Variants in STRN observed in about 807,000 individuals in gnomAD.
The protein encoded by STRN is protein phosphatase 2 regulatory subunit B'''alpha.
Under a neutral mutation model 96.3 loss-of-function variants are expected in STRN, and 53 were observed. The observed-to-expected ratio is 0.55, with a 90% CI of 0.44 to 0.69. STRN has a LOEUF of 0.69. Ranked by LOEUF, STRN falls within the 30% of genes least tolerant of loss-of-function variation. STRN has a pLI of 0.00. For synonymous variants in STRN, 428 were observed against 355.9 expected (o/e 1.20, Z -2.28); for missense variants, 987 against 963.9 (o/e 1.02, Z -0.32).
At chr2:36,947,027 C>G (rs192083109) in intron 1 of STRN, among the ~76,000 whole-genome samples, 2 of 152,136 alleles carry the variant, frequency 1.3e-5, no homozygotes, top group African/African-American at 4.8e-5. Context: ...TCCTGAGTAG[C>G]AGGGACTACA....
intron 1 of STRN, among the ~76,000 whole-genome samples, chr2:36,937,153 G>C (rs531402067): frequency 6.6e-6 from 1 of 152,042 alleles, no homozygotes; most frequent in African/African-American, 2.4e-5. Flanking sequence ...AGATAAGCCT[G>C]ACCAACATGG....
At chr2:36,873,898 A>C (rs1439772514) in intron 10 of STRN, among the ~76,000 whole-genome samples, 1 of 149,412 alleles carries the variant, frequency 6.7e-6, no homozygotes, top group Non-Finnish European at 1.5e-5. Context: ...AGCCGAGATT[A>C]CGCCACTGCA....
At chr2:36,884,641 A>G (rs974417978) in intron 8 of STRN, among the ~76,000 whole-genome samples, 3 of 152,164 alleles carry the variant, frequency 2.0e-5, no homozygotes, top group Non-Finnish European at 4.4e-5. Flanking sequence ...GGAAAATCTT[A>G]CCCAAAGTCT....
At chr2:36,874,651 C>T (rs1377626007) in intron 10 of STRN, among the ~76,000 whole-genome samples, 3 of 142,142 alleles carry the variant, frequency 2.1e-5, no homozygotes, top group African/African-American at 5.2e-5. Context: ...TGACCAACAA[C>T]AGAAATGATA....
At chr2:36,960,868 TA>T (rs1665011881) in intron 1 of STRN, among the ~76,000 whole-genome samples, 1 of 152,116 alleles carries the variant, frequency 6.6e-6, no homozygotes, top group South Asian at 2.1e-4. Context: ...TCATTCTCTC[TA>T]TATCCATGTA....
intron 9 of STRN, 64 bp downstream of exon 9, chr2:36,883,868 A>G: frequency 7.7e-7 from 1 of 1,299,044 alleles, no homozygotes; most frequent in Non-Finnish European, 9.9e-7. Context: ...GGCCTTTCTA[A>G]TGAATGAATT....
chr2:36,844,163 G>C lies in STRN; in HGVS notation c.*5293C>G, dbSNP rs1382087438. On this transcript the variant is annotated 3_prime_UTR_variant, in exon 18 of 18. Coordinates refer to ENST00000263918, the MANE Select transcript of STRN (RefSeq NM_003162.4). The stretch of plus-strand genomic sequence containing the variant: ...CTCCTAAAAAAGGTATTAGATCATA[G>C]AGTTGGGATTAGGGTAGGGGATACC... 6.6e-6 allele frequency: 1 copy of C among 152,120 alleles called. No homozygotes were observed. Among genetic ancestry groups the C allele is most frequent in the Non-Finnish European group, 1.5e-5 (1 of 68,014 alleles). 9.4% of individuals were successfully genotyped at this position (152,120 alleles called of 1,614,324 possible).
At chr2:36,894,907 T>C (rs1357301302) in intron 6 of STRN, among the ~76,000 whole-genome samples, 1 of 152,050 alleles carries the variant, frequency 6.6e-6, no homozygotes, top group Non-Finnish European at 1.5e-5. Context: ...GCATTCTTCT[T>C]CAAAAACAAG....
rs989193193 is a variant in STRN, at chr2:36,849,479, C to T, written c.2320G>A (p.Ala774Thr). Residue 774 changes from alanine to threonine, a missense_variant, in exon 18 of 18, where the codon GCA becomes ACA. By Grantham distance (58) the Ala-to-Thr change is moderately conservative. Transcript: ENST00000263918. ...CGTCATACAAAGACTTTAGCCAGTG[C>T]GTCAGCTCCAGCACTGGCTATATAG... Reference protein sequence around the residue: ...KCYIASAGADALAKVFV With the variant: ...KCYIASAGADTLAKVFV 7.4e-6 allele frequency: 12 copies of T among 1,613,940 alleles called. No homozygotes were observed. In the Admixed American group the frequency reaches 1.0e-4, roughly 13 times the overall value.
At chr2:36,940,836 CAAAAAA>C (rs56996485) in intron 1 of STRN, among the ~76,000 whole-genome samples, 8 of 46,556 alleles carry the variant, frequency 1.7e-4, no homozygotes, top group Admixed American at 8.5e-4. Context: ...GACTCTGTCT[CAAAAAA>C]AAAAAAAAAA....
intron 3 of STRN, among the ~76,000 whole-genome samples, chr2:36,907,366 G>T (rs755104927): frequency 6.6e-6 from 1 of 152,102 alleles, no homozygotes; most frequent in African/African-American, 2.4e-5. Flanking sequence ...TGGCTAACGC[G>T]GTGAAATCCT....
intron 2 of STRN, among the ~76,000 whole-genome samples, chr2:36,921,553 C>A (rs1670255971): frequency 6.6e-6 from 1 of 152,178 alleles, no homozygotes; most frequent in Non-Finnish European, 1.5e-5. Flanking sequence ...TCATTTGATA[C>A]CTTCTAAAAG....
intron 3 of STRN, among the ~76,000 whole-genome samples, chr2:36,915,232 A>AATATATATATATATATATATATAT (rs72466696): frequency 4.6e-5 from 4 of 86,498 alleles, no homozygotes; most frequent in East Asian, 4.3e-4. Context: ...TGAATACATA[A>AATATATATATATATATATATATAT]ATATATATAT....
intron 1 of STRN, among the ~76,000 whole-genome samples, chr2:36,964,011 G>T (rs916511328): frequency 4.0e-5 from 6 of 151,766 alleles, no homozygotes; most frequent in African/African-American, 1.5e-4. Context: ...AAAAAAAAAG[G>T]AGTCTCTTTA....
intron 1 of STRN, among the ~76,000 whole-genome samples, chr2:36,934,762 C>A (rs990523380): frequency 1.3e-5 from 2 of 152,158 alleles, no homozygotes; most frequent in Non-Finnish European, 2.9e-5. Flanking sequence ...TTCCTACTCA[C>A]ACATCCTATG....
chr2:36,909,903 T>C (rs1004590839), intron 3 of STRN, among the ~76,000 whole-genome samples: 7 of 152,168 alleles, frequency 4.6e-5, no homozygotes, highest in African/African-American at 7.2e-5. Flanking sequence ...CCGGGCGCAG[T>C]GGCTCACGCC....
At chr2:36,924,934 T>C (rs1342580298) in intron 2 of STRN, among the ~76,000 whole-genome samples, 171 bp downstream of exon 2, 2 of 152,158 alleles carry the variant, frequency 1.3e-5, no homozygotes, top group African/African-American at 2.4e-5. Context: ...CACATGCCTA[T>C]AATCCCAGCT....
chr2:36,855,321 C>T lies in STRN; in HGVS notation c.1869G>A (p.Val623=), dbSNP rs1668317078. The T allele has an allele frequency of 6.2e-7, 1 of 1,613,566 alleles. No homozygotes were observed. The highest frequency in any genetic ancestry group is 8.5e-7 in the Non-Finnish European group (1 of 1,179,746). The change falls in exon 15 of 18, where the codon GTG becomes GTA. Residue 623 remains valine, a synonymous_variant. Coordinates refer to ENST00000263918, the MANE Select transcript of STRN (RefSeq NM_003162.4). ...CTACCATATGGCTCGGGTCACTGCT[C>T]ACTAGATCCACAGAGGCAGGGATTC... The part of the protein sequence containing the change: ...ELGIPASVDL[V]SSDPSHMVAS...
Position 36,869,644 on chromosome 2 carries a change from G to A in STRN, c.1409C>T (p.Ala470Val). Residue 470 changes from alanine (A) to valine (V), a missense_variant, in exon 11 of 18, where the codon GCT (alanine) becomes GTT (valine). Physicochemically the swap from Ala to Val is moderately conservative, Grantham distance 64 (BLOSUM62 0). Coordinates refer to ENST00000263918, the MANE Select transcript of STRN (RefSeq NM_003162.4). ...CAAAACAGGCTCAATGGGATGGAAA[G>A]CAAGGGCTCGGATGCCATCAAAGTG... Reference protein sequence around the residue: ...RSHFDGIRALAFHPIEPVLIT... With the variant: ...RSHFDGIRALVFHPIEPVLIT... 1 of 1,612,866 alleles carries A rather than the reference G, an allele frequency of 6.2e-7. No homozygotes were observed. The highest frequency in any genetic ancestry group is 1.3e-5 in the African/African-American group (1 of 74,980).
Sources: gnomAD v4.1 joint callset for allele counts (sites outside exome capture counted in the v4.1 genomes callset) on GRCh38, gnomAD v4.1.1 for gene constraint, MANE v1.5 for transcripts, NCBI Gene and HGNC (gene_info 2026-07-23, HGNC 2026-07-21) for gene names.